GRID2: variants seen among roughly 807,000 people sequenced by gnomAD.
GRID2 encodes glutamate ionotropic receptor delta type subunit 2.
In GRID2, 33 loss-of-function variants were observed where a neutral mutation model predicts 114.8. The observed-to-expected ratio is 0.29, with a 90% confidence interval of 0.22 to 0.38. The LOEUF is 0.38. Among genes scored for constraint, GRID2 ranks in the 10% least tolerant of loss-of-function variants. The pLI, the probability that GRID2 is intolerant of heterozygous loss-of-function variation, is 1.00. For synonymous variants in GRID2, 505 were observed against 449.9 expected (o/e 1.12, Z -1.55); for missense variants, 1,184 against 1,257.7 (o/e 0.94, Z 0.89).
chr4:92,441,118 C>T (rs35169085), intron 1 of GRID2, among the ~76,000 whole-genome samples: 1,220 of 148,438 alleles, frequency 8.2e-3, no homozygotes, highest in African/African-American at 0.03. Context: ...CTACAGGGTG[C>T]GGTCCTGGCT....
intron 1 of GRID2, among the ~76,000 whole-genome samples, chr4:92,320,972 TAAAA>T (rs1202589926): frequency 6.6e-6 from 1 of 152,144 alleles, no homozygotes; most frequent in Non-Finnish European, 1.5e-5. Flanking sequence ...AAATATAAAA[TAAAA>T]AGATAATTTT....
intron 4 of GRID2, among the ~76,000 whole-genome samples, chr4:93,153,988 G>A (rs1295847475): frequency 6.6e-6 from 1 of 151,790 alleles, no homozygotes; most frequent in Non-Finnish European, 1.5e-5. Context: ...ATAGACACTT[G>A]GTATTTTTGA....
At chr4:93,592,178 T>C (rs1297099191) in intron 13 of GRID2, among the ~76,000 whole-genome samples, 1 of 152,166 alleles carries the variant, frequency 6.6e-6, no homozygotes, top group Non-Finnish European at 1.5e-5. Context: ...TTTCCGGCTT[T>C]CTCTTGTGGG....
At chr4:93,496,124 A>AAG (rs1553940074) in intron 12 of GRID2, among the ~76,000 whole-genome samples, 3 of 151,292 alleles carry the variant, frequency 2.0e-5, no homozygotes, top group African/African-American at 7.3e-5. Context: ...TGATTGTAAA[A>AAG]AAAAAAAAAA....
At chr4:93,448,824 CCCTTCCCTTCCCTTCCCTTCCCTT>C (rs1406950312) in intron 10 of GRID2, among the ~76,000 whole-genome samples, 5 of 10,064 alleles carry the variant, frequency 5.0e-4, no homozygotes, top group East Asian at 6.0e-3. Flanking sequence ...CCCTTCCCTT[CCCTTCCCTTCCCTTCCCTTCCCTT>C]CCCTTCCCTT....
intron 1 of GRID2, among the ~76,000 whole-genome samples, chr4:92,552,422 T>C (rs541403405): frequency 1.3e-5 from 2 of 152,178 alleles, no homozygotes; most frequent in South Asian, 2.1e-4. Flanking sequence ...TTGTGGGAAG[T>C]ACAATGGGTT....
intron 1 of GRID2, among the ~76,000 whole-genome samples, chr4:92,434,929 C>T (rs765189028): frequency 1.3e-4 from 20 of 151,986 alleles, no homozygotes; most frequent in Non-Finnish European, 1.8e-4. Context: ...TACTTGCTGT[C>T]GTTGATCACA....
At chr4:93,342,466 C>T (rs1023216674) in intron 8 of GRID2, among the ~76,000 whole-genome samples, 9 of 152,142 alleles carry the variant, frequency 5.9e-5, no homozygotes, top group Non-Finnish European at 1.3e-4. Context: ...TATCATTCCC[C>T]CTCCTAAATC....
intron 4 of GRID2, among the ~76,000 whole-genome samples, chr4:93,198,254 G>A (rs1473476011): frequency 6.6e-6 from 1 of 152,208 alleles, no homozygotes; most frequent in African/African-American, 2.4e-5. Context: ...TGGTAAATAA[G>A]TGACTCTGTG....
chr4:92,861,436 TC>T (rs1157772153), intron 2 of GRID2, among the ~76,000 whole-genome samples: 1 of 152,088 alleles, frequency 6.6e-6, no homozygotes, highest in African/African-American at 2.4e-5. Context: ...ATCTGAGAAT[TC>T]TATCTACCAA....
In GRID2 at chr4:93,572,312, G is replaced by A. The variant is rs1048830664; in HGVS notation, c.2194-53957G>A. Reference sequence around the variant, plus strand: ...AGAAGCATTTCATTTAGCCTATCAAGGTGACCTAAGATAGTTAGTTTAGAT... The same window carrying A: ...AGAAGCATTTCATTTAGCCTATCAAAGTGACCTAAGATAGTTAGTTTAGAT... On this transcript the variant is annotated intron_variant, in intron 13 of 15. Transcript: ENST00000282020. Among the ~76,000 whole-genome samples, 85 of 152,076 alleles carry A rather than the reference G, an allele frequency of 5.6e-4. 1 individual carries two copies. The highest frequency in any genetic ancestry group is 1.9e-4 in the Non-Finnish European group (13 of 68,006).
At chr4:92,713,495 ATAT>A (rs1446461649) in intron 2 of GRID2, among the ~76,000 whole-genome samples, 3 of 126,754 alleles carry the variant, frequency 2.4e-5, no homozygotes, top group Non-Finnish European at 5.1e-5. Context: ...ATATATATAT[ATAT>A]ATATATATAT....
intron 1 of GRID2, among the ~76,000 whole-genome samples, chr4:92,516,843 C>T (rs2149136100): frequency 6.6e-6 from 1 of 151,960 alleles, no homozygotes; most frequent in South Asian, 2.1e-4. Context: ...ATACAGTCTG[C>T]TCTTCTTCGT....
intron 13 of GRID2, among the ~76,000 whole-genome samples, chr4:93,534,886 G>A (rs11930815): frequency 0.014 from 2,050 of 143,716 alleles, 40 homozygotes; most frequent in African/African-American, 0.049. Flanking sequence ...AGATCTACTC[G>A]CTGAGCAAAT....
intron 2 of GRID2, among the ~76,000 whole-genome samples, chr4:92,746,726 C>T (rs1284023575): frequency 6.6e-6 from 1 of 152,066 alleles, no homozygotes; most frequent in South Asian, 2.1e-4. Flanking sequence ...TCTAGTCTGT[C>T]ACTAACTTGC....
intron 2 of GRID2, among the ~76,000 whole-genome samples, chr4:92,788,349 A>G (rs1739416566): frequency 6.6e-6 from 1 of 151,888 alleles, no homozygotes; most frequent in Non-Finnish European, 1.5e-5. Flanking sequence ...AGTAATGAAG[A>G]CAAAGTCCCA....
intron 4 of GRID2, among the ~76,000 whole-genome samples, chr4:93,156,729 G>C (rs978793590): frequency 7.3e-5 from 11 of 151,670 alleles, no homozygotes; most frequent in African/African-American, 2.7e-4. Context: ...GGGATGCACG[G>C]GAGGGATCCA....
chr4:93,266,433 T>TAC (rs914773982), intron 8 of GRID2, among the ~76,000 whole-genome samples: 1 of 151,850 alleles, frequency 6.6e-6, no homozygotes, highest in African/African-American at 2.4e-5. Context: ...CTATTATTTT[T>TAC]ACACACACAC....
intron 1 of GRID2, among the ~76,000 whole-genome samples, chr4:92,416,841 C>T (rs1731643660): frequency 1.3e-5 from 2 of 151,968 alleles, no homozygotes; most frequent in African/African-American, 4.8e-5. Flanking sequence ...TAATGTGATG[C>T]CTCTGGATTT....
Sources: allele counts gnomAD v4.1 joint callset (sites outside exome capture counted in the v4.1 genomes callset), GRCh38; gene constraint gnomAD v4.1.1; transcripts MANE v1.5; gene names NCBI Gene and HGNC (gene_info 2026-07-23, HGNC 2026-07-21).